Variants in CEP78 observed in about 807,000 individuals in gnomAD.
CEP78 encodes the protein centrosomal protein 78, also known as centrosomal protein of 78 kDa.
In CEP78, 76 loss-of-function variants were observed where a neutral mutation model predicts 81.2. The observed-to-expected ratio is 0.94, with a 90% CI of 0.78 to 1.13. The LOEUF is 1.13. CEP78 is among the 50% of genes most tolerant of loss of function. CEP78 has a pLI of 0.00. For synonymous variants in CEP78, 293 were observed against 301.4 expected, an observed-to-expected ratio of 0.97 and a Z score of 0.29; for missense variants, 918 against 846.8, an observed-to-expected ratio of 1.08 and a Z score of -1.04.
chr9:78,252,874 A>G (rs1356580344), intron 9 of CEP78, among the ~76,000 whole-genome samples: 2 of 152,238 alleles, frequency 1.3e-5, no homozygotes, highest in Non-Finnish European at 2.9e-5. Flanking sequence ...TCCATTTAAT[A>G]ACTTCACAGT....
In CEP78 at chr9:78,236,546, A is replaced by G; in HGVS notation, c.196A>G (p.Lys66Glu). The G allele has an allele frequency of 1.3e-6, 2 of 1,599,572 alleles. No individual in the cohort carries two copies. Among genetic ancestry groups the G allele is most frequent in the Non-Finnish European group, 1.7e-6 (2 of 1,172,938 alleles). Residue 66 changes from lysine (K) to glutamate (E), a missense_variant, in exon 1 of 17, where the codon AAA becomes GAA. Coordinates refer to ENST00000643273, the MANE Select transcript of CEP78 (RefSeq NM_001330691.3). ...TCTGCTGAGCACCCTCAAGATCAAT[A>G]AAGACCTGCCCTTGGTCTCCATCAA... ...APLLSTLKINKDLPLVSIKSF... is the reference protein window; with the variant it reads ...APLLSTLKINEDLPLVSIKSF...
In CEP78 at chr9:78,264,263, T is replaced by C; in HGVS notation, c.1572T>C (p.Ile524=). Residue 524 remains isoleucine (I), a synonymous_variant, in exon 13 of 17, where the codon ATT becomes ATC. Transcript: ENST00000643273. ...ILDDEGVLGS[I]ENSFQKFHAF... ...ATGATGAAGGTGTTTTGGGCAGCAT[T>C]GAGAATTCTTTTCAGAAGTTTCATG... The C allele has an allele frequency of 6.2e-7, 1 of 1,612,836 alleles. No homozygotes were observed. Among genetic ancestry groups the C allele is most frequent in the Non-Finnish European group, 8.5e-7 (1 of 1,179,282 alleles).
intron 16 of CEP78, chr9:78,267,080 G>A: frequency 9.4e-7 from 1 of 1,068,352 alleles, no homozygotes; most frequent in South Asian, 1.4e-5. Context: ...ATGGCATATG[G>A]TGTCTTAAAA....
At chr9:78,263,939 A>G in intron 12 of CEP78, 1 of 299,244 alleles carries the variant, frequency 3.3e-6, no homozygotes, top group East Asian at 5.7e-5. Flanking sequence ...AAGATAATTA[A>G]TGAAATACTA....
intron 11 of CEP78, 116 bp from the exon 12 acceptor site, chr9:78,262,791 T>C: frequency 1.8e-6 from 1 of 547,156 alleles, no homozygotes; most frequent in Non-Finnish European, 3.2e-6. Context: ...ATAATCCTGA[T>C]ATCTGAGTTC....
At chr9:78,256,701 A>G (rs1310278141) in intron 11 of CEP78, among the ~76,000 whole-genome samples, 1 of 152,022 alleles carries the variant, frequency 6.6e-6, no homozygotes, top group Non-Finnish European at 1.5e-5. Flanking sequence ...GGTTCACCTG[A>G]GAGTTGAGTA....
intron 14 of CEP78, 30 bp from the exon 15 acceptor site, chr9:78,265,828 TA>T: frequency 3.6e-6 from 4 of 1,105,860 alleles, no homozygotes; most frequent in Non-Finnish European, 5.4e-6. Context: ...TTCAATTTTA[TA>T]AATGTCTATT....
chr9:78,243,869 A>G (rs1826354070), intron 5 of CEP78, among the ~76,000 whole-genome samples: 1 of 151,078 alleles, frequency 6.6e-6, no homozygotes, highest in African/African-American at 2.4e-5. Context: ...TAAACTGTTC[A>G]TTTTGGTGTA....
Position 78,236,327 on chromosome 9 carries a change from A to C in CEP78, c.-24A>C. On this transcript the variant is annotated 5_prime_UTR_variant, in exon 1 of 17. Coordinates refer to ENST00000643273, the MANE Select transcript of CEP78 (RefSeq NM_001330691.3). ...CGCGGGCGGCGTCTCCGCGGCGGGC[A>C]TCCCCCGAGGCCGCCCTCGGGCCAT... The C allele has an allele frequency of 1.3e-6, 2 of 1,543,886 alleles. No homozygotes were observed. Among genetic ancestry groups the C allele is most frequent in the Non-Finnish European group, 1.7e-6 (2 of 1,150,336 alleles).
At chr9:78,267,033 A>G (rs891207342) in intron 16 of CEP78, 76 of 1,253,052 alleles carry the variant, frequency 6.1e-5, no homozygotes, top group Non-Finnish European at 7.3e-5. Context: ...CTATGTTTTT[A>G]CCTTTAAATT....
chr9:78,276,531 GTGA>G lies in CEP78; in HGVS notation c.*5685_*5687del, dbSNP rs1455937965. ...TTTTTTTTTGGACAAAAAACCCCCT[GTGA>G]TGATCTACTGGCATGCTATTACAGC... On this transcript the variant is annotated 3_prime_UTR_variant, in exon 17 of 17. Coordinates refer to ENST00000643273, the MANE Select transcript of CEP78 (RefSeq NM_001330691.3). 6.6e-6 allele frequency: 1 copy of G among 151,440 alleles called. No individual in the cohort carries two copies. Among genetic ancestry groups the G allele is most frequent in the East Asian group, 1.9e-4 (1 of 5,162 alleles). The allele number at this position is 151,440 out of a possible 1,614,324, so 9.4% of individuals were successfully genotyped here. A position where few individuals can be genotyped will look rare whatever the true frequency, so the allele number is the denominator to read the frequency against.
chr9:78,254,177 G>T (rs1031706142), intron 10 of CEP78, among the ~76,000 whole-genome samples: 1 of 151,984 alleles, frequency 6.6e-6, no homozygotes, highest in African/African-American at 2.4e-5. Context: ...AAAAGATGAG[G>T]TTTTTGATGT....
rs539082683 is a variant in CEP78, at chr9:78,242,417, C to T, written c.603+618C>T. Among the ~76,000 whole-genome samples, 11 of 152,238 alleles carry T rather than the reference C, an allele frequency of 7.2e-5. No individual in the cohort carries two copies. In the East Asian group the frequency reaches 7.7e-4, roughly 11 times the overall value. ...CATGTGGATTCTGAAGCCAGATGGC[C>T]TAGGCTAAAACCCGAGCTCTCTCCC... On this transcript the variant is annotated intron_variant, in intron 4 of 16. Coordinates refer to ENST00000643273, the MANE Select transcript of CEP78 (RefSeq NM_001330691.3).
chr9:78,261,713 T>C (rs1827284491), intron 11 of CEP78, among the ~76,000 whole-genome samples: 1 of 152,222 alleles, frequency 6.6e-6, no homozygotes, highest in African/African-American at 2.4e-5. Context: ...GATAAGTTTT[T>C]TGCTTATTTC....
intron 5 of CEP78, among the ~76,000 whole-genome samples, 152 bp from the exon 6 acceptor site, chr9:78,246,517 G>A (rs189529768): frequency 3.2e-4 from 49 of 152,294 alleles, no homozygotes; most frequent in African/African-American, 1.2e-3. Flanking sequence ...GGAGAATGGC[G>A]TGAACCTGGG....
Position 78,273,902 on chromosome 9 carries a change from A to G in CEP78, c.*3051A>G, listed in dbSNP as rs1827750490. 1 of 152,236 alleles carries G rather than the reference A, an allele frequency of 6.6e-6. No homozygotes were observed. The highest frequency in any genetic ancestry group is 6.5e-5 in the Admixed American group (1 of 15,286). The allele number at this position is 152,236 out of a possible 1,614,324, so 9.4% of individuals were successfully genotyped here. On this transcript the variant is annotated 3_prime_UTR_variant, in exon 17 of 17. Transcript: ENST00000643273. ...ACACTAGAATGGCTAACATTTTGAAATGCTGATAAATATGCAGAGCAACTG... is the reference window on the plus strand; with the variant it reads ...ACACTAGAATGGCTAACATTTTGAAGTGCTGATAAATATGCAGAGCAACTG...
chr9:78,253,366 C>A, intron 10 of CEP78, 89 bp downstream of exon 10: 1 of 732,918 alleles, frequency 1.4e-6, no homozygotes, highest in South Asian at 1.6e-5. Context: ...TGAATAGAGT[C>A]GTAAGAAACA....
intron 8 of CEP78, chr9:78,249,489 T>C (rs1826654585): frequency 6.6e-6 from 1 of 152,174 alleles, no homozygotes; most frequent in Non-Finnish European, 1.5e-5. Context: ...ATGGTTTATT[T>C]AATCTGCCAA....
intron 5 of CEP78, among the ~76,000 whole-genome samples, chr9:78,244,689 A>G (rs762715622): frequency 6.6e-6 from 1 of 152,186 alleles, no homozygotes; most frequent in Non-Finnish European, 1.5e-5. Context: ...ATCTTAAATC[A>G]GTAAGTTTAC....
Sources: gnomAD v4.1 joint callset for allele counts (sites outside exome capture counted in the v4.1 genomes callset) on GRCh38, gnomAD v4.1.1 for gene constraint, MANE v1.5 for transcripts, NCBI Gene and HGNC (gene_info 2026-07-23, HGNC 2026-07-21) for gene names.